Variants in ACAN observed in about 807,000 individuals in gnomAD.
The protein encoded by ACAN is aggrecan core protein.
A neutral mutation model predicts 169.1 loss-of-function variants in ACAN; 47 were observed. The ratio of observed to expected loss-of-function variants is 0.28; its 90% CI spans 0.22 to 0.35. The LOEUF is 0.35. ACAN is among the 10% of genes least tolerant of loss of function. ACAN has a pLI of 1.00. For missense variants in ACAN, 2,716 were observed against 2,759.9 expected, an observed-to-expected ratio of 0.98 and a Z score of 0.36; for synonymous variants, 1,115 against 1,112.2, an observed-to-expected ratio of 1.00 and a Z score of -0.05.
At chr15:88,845,968 C>T in intron 7 of ACAN, 86 bp downstream of exon 7, 1 of 1,361,858 alleles carries the variant, frequency 7.3e-7, no homozygotes, top group Admixed American at 3.0e-5. Context: ...GAAGGCTGTA[C>T]CTTCTACTTA....
rs1229291855 is a variant in ACAN, at chr15:88,872,252, A to G, written c.7302+167A>G. ...TCCTTCATCTCTGCCTCTGGAACCCAGCCCGGGGCTGGACAGATTGAGCTA... is the reference window on the plus strand; with the variant it reads ...TCCTTCATCTCTGCCTCTGGAACCCGGCCCGGGGCTGGACAGATTGAGCTA... On this transcript the variant is annotated intron_variant, in intron 16 of 18. Transcript: ENST00000560601. This position sits in a 1 kb window ranked among gnomAD's most constrained non-coding sequence, Gnocchi z 5.4. 6.6e-6 allele frequency among the ~76,000 whole-genome samples: 1 copy of G among 152,200 alleles called. No individual in the cohort carries two copies.
chr15:88,854,201 C>A (rs1450838729), intron 11 of ACAN, among the ~76,000 whole-genome samples: 4 of 152,168 alleles, frequency 2.6e-5, no homozygotes, highest in African/African-American at 9.7e-5. Flanking sequence ...CTTTCTTCCT[C>A]AGAAGGATGG....
At position 88,851,794 on chromosome 15, in the gene ACAN, G is replaced by A. The variant is rs982136432; in HGVS notation, c.2027G>A (p.Gly676Asp). ...LSRHHAFCFR[G>D]ISAVPSPGEE... ...CTCTGACCACCCACATCTCCTTTAG[G>A]CATTTCAGCGGTTCCTTCTCCAGGA... The change falls in exon 11 of 19, where the codon GGC (glycine) becomes GAC (aspartate). Residue 676 changes from glycine (G) to aspartate (D), a missense_variant and splice_region_variant. Coordinates refer to ENST00000560601, the MANE Select transcript of ACAN (RefSeq NM_001369268.1). The surrounding 1 kb of genome is among the most constrained non-coding windows in gnomAD (Gnocchi z 4.3). 1 of 1,584,098 alleles carries A rather than the reference G, an allele frequency of 6.3e-7. No individual in the cohort carries two copies. The highest frequency in any genetic ancestry group is 1.8e-5 in the Admixed American group (1 of 55,134).
chr15:88,840,248 G>A (rs1896617903), intron 4 of ACAN, 62 bp downstream of exon 4: 5 of 1,487,446 alleles, frequency 3.4e-6, no homozygotes, highest in African/African-American at 2.8e-5. Flanking sequence ...GAGTGGGGCG[G>A]GTGCTGGGTG....
intron 1 of ACAN, among the ~76,000 whole-genome samples, chr15:88,816,778 G>A (rs1025182402): frequency 4.6e-5 from 7 of 152,214 alleles, no homozygotes; most frequent in African/African-American, 1.7e-4. Flanking sequence ...AGGTATGTGT[G>A]TAAGCTCCTG....
At chr15:88,816,255 T>G (rs1895940650) in intron 1 of ACAN, among the ~76,000 whole-genome samples, 2 of 152,192 alleles carry the variant, frequency 1.3e-5, no homozygotes, top group Non-Finnish European at 1.5e-5. Context: ...AGACATAAGG[T>G]ATCTTTTTTT....
intron 1 of ACAN, among the ~76,000 whole-genome samples, chr15:88,809,476 T>C (rs1490009572): frequency 2.0e-5 from 3 of 152,322 alleles, no homozygotes; most frequent in East Asian, 3.9e-4. Flanking sequence ...TTGAAGCCGA[T>C]GCAGGCACCT....
In ACAN at chr15:88,847,941, C is replaced by T. The variant is rs752598382; in HGVS notation, c.1635C>T (p.Cys545=). Residue 545 remains cysteine (C), a synonymous_variant, in exon 9 of 19, where the codon TGC becomes TGT. Coordinates refer to ENST00000560601, the MANE Select transcript of ACAN (RefSeq NM_001369268.1). ...CCATTGTGAGCCCCCGGACCCCATG[C>T]GTGGGTGACAAGGACAGCAGCCCAG... ...RYPIVSPRTP[C]VGDKDSSPGV... 19 of 1,613,830 alleles carry T rather than the reference C, an allele frequency of 1.2e-5. No homozygotes were observed. Among genetic ancestry groups the T allele is most frequent in the Admixed American group, 3.3e-5 (2 of 60,002 alleles).
At chr15:88,859,465 G>A (rs779486831) in intron 12 of ACAN, 48 bp downstream of exon 12, 27 of 1,550,944 alleles carry the variant, frequency 1.7e-5, no homozygotes, top group Non-Finnish European at 2.3e-5. Flanking sequence ...AGTTCAGACT[G>A]TAGCCTACTG....
chr15:88,829,954 T>C (rs1896317710), intron 1 of ACAN, among the ~76,000 whole-genome samples: 4 of 151,998 alleles, frequency 2.6e-5, no homozygotes, highest in Admixed American at 6.5e-5. Flanking sequence ...AGAAGAAAAA[T>C]TGGGTGCTAA....
In ACAN at chr15:88,851,225, G is replaced by C. The variant is rs1896922950; in HGVS notation, c.2027-569G>C. On this transcript the variant is annotated intron_variant, in intron 10 of 18. Coordinates refer to ENST00000560601, the MANE Select transcript of ACAN (RefSeq NM_001369268.1). This position sits in a 1 kb window ranked among gnomAD's most constrained non-coding sequence, Gnocchi z 4.3. Reference sequence around the variant, plus strand: ...CCCCACACCAGTACAGTTACCCCCAGCCCATGAATCCTGCCTTCACGCTTT... The same window carrying C: ...CCCCACACCAGTACAGTTACCCCCACCCCATGAATCCTGCCTTCACGCTTT... 1 of 156,512 alleles carries C rather than the reference G, an allele frequency of 6.4e-6. No individual in the cohort carries two copies. Among genetic ancestry groups the C allele is most frequent in the Non-Finnish European group, 1.4e-5 (1 of 71,106 alleles). 9.7% of individuals were successfully genotyped at this position (156,512 alleles called of 1,614,324 possible).
rs369258827 is a variant in ACAN at position 88,859,396 on chromosome 15, G to A, written c.6811G>A (p.Glu2271Lys). 5 of 1,559,914 alleles carry A rather than the reference G, an allele frequency of 3.2e-6. No homozygotes were observed. Among genetic ancestry groups the A allele is most frequent in the Non-Finnish European group, 4.3e-6 (5 of 1,151,822 alleles). ...CCCAGCTTCTCCGGAATGGAAACGT[G>A]AATCAGAATCAACTGCTGCAGGTAT... Reference protein sequence around the residue: ...SIPASPEWKRESESTAAAPAR... With the variant: ...SIPASPEWKRKSESTAAAPAR... The change falls in exon 12 of 19, where the codon GAA becomes AAA. Residue 2271 changes from glutamate to lysine, a missense_variant. Glu to Lys is a moderately conservative substitution (Grantham distance 56, BLOSUM62 1). This residue lies in a region of ACAN where 1,389 missense variants were observed against 1,363.7 expected (regional missense o/e 1.02). Transcript: ENST00000560601.
In ACAN at chr15:88,856,885, T is replaced by C; in HGVS notation, c.4300T>C (p.Ser1434Pro). The change falls in exon 12 of 19, where the codon TCT (serine) becomes CCT (proline). Residue 1434 changes from serine (S) to proline (P), a missense_variant. Physicochemically the swap from Ser to Pro is moderately conservative, Grantham distance 74 (BLOSUM62 -1). Around this residue, in one of 3 missense-constraint regions of ACAN, gnomAD observed 44 missense variants for 114.7 expected, o/e 0.38. Transcript: ENST00000560601. ...PGVDEISGLPSGEVLETTAPG... is the reference protein window; with the variant it reads ...PGVDEISGLPPGEVLETTAPG... ...AGTAGATGAGATCAGTGGGCTTCCT[T>C]CTGGAGAAGTTCTAGAGACTACTGC... is the stretch of plus-strand genomic sequence containing the variant. 6.3e-7 allele frequency: 1 copy of C among 1,592,802 alleles called. No homozygotes were observed. The highest frequency in any genetic ancestry group is 1.1e-5 in the South Asian group (1 of 90,540).
Position 88,855,097 on chromosome 15 carries a change from T to C in ACAN, c.2512T>C (p.Ser838Pro). Residue 838 changes from serine (S) to proline (P), a missense_variant, in exon 12 of 19, where the codon TCG becomes CCG. Ser to Pro is a moderately conservative substitution (Grantham distance 74, BLOSUM62 -1). Transcript: ENST00000560601. ...EPSPSEEPSA[S>P]EEPYTPSPPV... ...ATCCCCCTCAGAGGAACCATCAGCC[T>C]CGGAAGAGCCGTATACACCTTCACC... 1 of 1,595,870 alleles carries C rather than the reference T, an allele frequency of 6.3e-7. No homozygotes were observed. The highest frequency in any genetic ancestry group is 1.1e-5 in the South Asian group (1 of 87,344).
chr15:88,826,723 C>G (rs1009778292), intron 1 of ACAN, among the ~76,000 whole-genome samples: 1 of 152,230 alleles, frequency 6.6e-6, no homozygotes, highest in Non-Finnish European at 1.5e-5. Context: ...ATTTTCCCAT[C>G]TACCAACCCC....
intron 1 of ACAN, among the ~76,000 whole-genome samples, chr15:88,806,671 C>T (rs996407584): frequency 1.3e-5 from 2 of 152,090 alleles, no homozygotes; most frequent in African/African-American, 4.8e-5. Flanking sequence ...TTAATGATTC[C>T]TTCTAGAACT....
At chr15:88,841,711 G>C (rs1567176693) in intron 4 of ACAN, 29 bp from the exon 5 acceptor site, 1 of 1,613,562 alleles carries the variant, frequency 6.2e-7, no homozygotes, top group East Asian at 2.2e-5. Context: ...TCCCCTGAGT[G>C]TCACACCTCC....
chr15:88,848,065 G>A (rs567171831), intron 9 of ACAN, 27 bp downstream of exon 9: 28 of 1,608,454 alleles, frequency 1.7e-5, no homozygotes, highest in South Asian at 1.7e-4. Context: ...CACATTTCGG[G>A]CCCTAGATGG....
intron 6 of ACAN, among the ~76,000 whole-genome samples, chr15:88,844,931 G>T (rs987949327): frequency 3.3e-5 from 5 of 152,068 alleles, no homozygotes; most frequent in Non-Finnish European, 5.9e-5. Context: ...ACAGGAAGAG[G>T]GTTAATAGCT....
Sources: allele counts gnomAD v4.1 joint callset (sites outside exome capture counted in the v4.1 genomes callset), GRCh38; gene constraint gnomAD v4.1.1; regional missense constraint gnomAD v4.1.1; non-coding constraint Gnocchi (gnomAD v3.1); transcripts MANE v1.5; gene names NCBI Gene and HGNC (gene_info 2026-07-23, HGNC 2026-07-21).